The following TUNAR variants were observed in gnomAD, a reference collection of about 807,000 sequenced individuals.
TUNAR encodes the protein transmembrane neural differentiation associated intracellular calcium regulator, also known as protein TUNAR.
At chr14:95,880,398 T>G (rs534049866) in intron 2 of TUNAR, among the ~76,000 whole-genome samples, 113 of 152,272 alleles carry the variant, frequency 7.4e-4, no homozygotes, top group African/African-American at 2.6e-3. Flanking sequence ...CCATCCTGAT[T>G]ATGCCGGCTT....
intron 2 of TUNAR, among the ~76,000 whole-genome samples, chr14:95,888,643 C>A (rs755038813): frequency 2.6e-5 from 4 of 152,136 alleles, no homozygotes; most frequent in Non-Finnish European, 4.4e-5. Flanking sequence ...ATACTGCCTA[C>A]CTGTAGTCTA....
chr14:95,889,557 G>A (rs1401403652), intron 2 of TUNAR, among the ~76,000 whole-genome samples: 4 of 151,666 alleles, frequency 2.6e-5, no homozygotes, highest in Non-Finnish European at 4.4e-5. Context: ...TGAACTTTCA[G>A]GTTCTCTGCA....
chr14:95,918,259 A>G (rs1400539574), intron 2 of TUNAR, among the ~76,000 whole-genome samples: 1 of 152,220 alleles, frequency 6.6e-6, no homozygotes, highest in East Asian at 1.9e-4. Context: ...CTGAGTTGCA[A>G]ACATTCCCGT....
At chr14:95,881,985 C>T (rs1225026357) in intron 2 of TUNAR, among the ~76,000 whole-genome samples, 2 of 152,188 alleles carry the variant, frequency 1.3e-5, no homozygotes, top group Admixed American at 1.3e-4. Context: ...ACAGACCCCT[C>T]CTTCCGTCTC....
intron 2 of TUNAR, among the ~76,000 whole-genome samples, chr14:95,882,806 A>T (rs1285866566): frequency 6.6e-6 from 1 of 152,168 alleles, no homozygotes. Flanking sequence ...TGGTCTGGGG[A>T]TCCTGATCCA....
At chr14:95,906,970 A>G (rs1237125248) in intron 2 of TUNAR, among the ~76,000 whole-genome samples, 1 of 152,228 alleles carries the variant, frequency 6.6e-6, no homozygotes, top group Non-Finnish European at 1.5e-5. Context: ...TCTTTTGCAT[A>G]AGTGAGCAGA....
intron 2 of TUNAR, among the ~76,000 whole-genome samples, chr14:95,881,610 G>T (rs1161213912): frequency 1.3e-5 from 2 of 152,194 alleles, no homozygotes; most frequent in Non-Finnish European, 2.9e-5. Context: ...GGAGTTTCTG[G>T]GACTCGGGAG....
At chr14:95,910,726 T>C (rs1354171113) in intron 2 of TUNAR, among the ~76,000 whole-genome samples, 1 of 152,212 alleles carries the variant, frequency 6.6e-6, no homozygotes, top group African/African-American at 2.4e-5. Flanking sequence ...GCCAGGCCAT[T>C]CTGTGGCTGC....
intron 2 of TUNAR, among the ~76,000 whole-genome samples, chr14:95,887,180 G>A (rs919887676): frequency 9.2e-5 from 14 of 152,166 alleles, no homozygotes; most frequent in Non-Finnish European, 2.1e-4. Flanking sequence ...GCACACTTAC[G>A]TACATACATA....
chr14:95,918,614 G>T (rs1424173732), intron 2 of TUNAR, among the ~76,000 whole-genome samples: 1 of 152,194 alleles, frequency 6.6e-6, no homozygotes, highest in Non-Finnish European at 1.5e-5. Flanking sequence ...AGTCGGAGAA[G>T]GTCTCTTCTA....
chr14:95,897,158 A>G (rs1889282302), intron 2 of TUNAR, among the ~76,000 whole-genome samples: 1 of 152,192 alleles, frequency 6.6e-6, no homozygotes, highest in South Asian at 2.1e-4. Context: ...TGTTTTTCCT[A>G]TAAACTCATT....
chr14:95,921,836 C>T (rs1889702590), intron 2 of TUNAR, among the ~76,000 whole-genome samples: 1 of 152,156 alleles, frequency 6.6e-6, no homozygotes, highest in African/African-American at 2.4e-5. Flanking sequence ...AATTGTACTG[C>T]ACAAATTTGT....
At chr14:95,912,100 C>T (rs1342560020) in intron 2 of TUNAR, among the ~76,000 whole-genome samples, 3 of 152,174 alleles carry the variant, frequency 2.0e-5, no homozygotes, top group Non-Finnish European at 2.9e-5. Flanking sequence ...CAGAAGCACT[C>T]GTAGTCTTCG....
At chr14:95,886,648 G>A (rs1025328750) in intron 2 of TUNAR, among the ~76,000 whole-genome samples, 1 of 152,194 alleles carries the variant, frequency 6.6e-6, no homozygotes, top group Non-Finnish European at 1.5e-5. Flanking sequence ...GCCTGGGAAG[G>A]GAATGCAATT....
chr14:95,915,053 G>T (rs1015291415), intron 2 of TUNAR, among the ~76,000 whole-genome samples: 3 of 152,186 alleles, frequency 2.0e-5, no homozygotes, highest in Non-Finnish European at 4.4e-5. Flanking sequence ...TGAGCTGTCG[G>T]CAGGTAGAAT....
intron 1 of TUNAR, 45 bp from the exon 1 acceptor site, chr14:95,876,787 G>T (rs1888887394): frequency 6.6e-6 from 1 of 152,280 alleles, no homozygotes; most frequent in South Asian, 2.1e-4. Context: ...GCTGGCGCCC[G>T]GCCCCCGCGG....
chr14:95,900,010 A>G (rs61984885), intron 2 of TUNAR, among the ~76,000 whole-genome samples: 10,498 of 152,294 alleles, frequency 0.069, 484 homozygotes, highest in Middle Eastern at 0.13. Context: ...AAATCATTCA[A>G]AGGAATTTCT....
At chr14:95,881,030 A>G (rs1157154544) in intron 2 of TUNAR, among the ~76,000 whole-genome samples, 1 of 152,192 alleles carries the variant, frequency 6.6e-6, no homozygotes, top group African/African-American at 2.4e-5. Context: ...GGTTTAAATC[A>G]ACCCGTGCTG....
chr14:95,908,122 A>G (rs1889452988), intron 2 of TUNAR, among the ~76,000 whole-genome samples: 3 of 152,244 alleles, frequency 2.0e-5, no homozygotes, highest in Admixed American at 2.0e-4. Context: ...GCTTCTGCTC[A>G]GGAATCTGTC....
Sources: gnomAD v4.1 joint callset for allele counts (sites outside exome capture counted in the v4.1 genomes callset) on GRCh38, gnomAD v4.1.1 for gene constraint, MANE v1.5 for transcripts, NCBI Gene and HGNC (gene_info 2026-07-23, HGNC 2026-07-21) for gene names.